OGA: variants seen among roughly 807,000 people sequenced by gnomAD.
OGA encodes the protein protein O-GlcNAcase.
OGA carries 21 observed loss-of-function variants against 102.0 expected under a neutral mutation model. That is an observed-to-expected ratio of 0.21 (90% CI 0.15 to 0.30). OGA has a LOEUF of 0.30. OGA is among the 10% of genes least tolerant of loss of function. OGA has a pLI of 1.00. For missense variants in OGA, 765 were observed against 1,107.8 expected, an observed-to-expected ratio of 0.69 and a Z score of 4.39; for synonymous variants, 408 against 378.2, an observed-to-expected ratio of 1.08 and a Z score of -0.91.
At chr10:101,805,848 G>A (rs536842114) in intron 6 of OGA, among the ~76,000 whole-genome samples, 197 bp downstream of exon 6, 3 of 151,960 alleles carry the variant, frequency 2.0e-5, no homozygotes, top group East Asian at 1.9e-4. Context: ...CCAGCTACTC[G>A]GGAGGCTGAG....
At chr10:101,810,126 G>C (rs1402496450) in intron 4 of OGA, 58 bp downstream of exon 4, 1 of 1,453,264 alleles carries the variant, frequency 6.9e-7, no homozygotes, top group Non-Finnish European at 9.4e-7. Context: ...AAGCAACTGA[G>C]TAAACTTCTA....
intron 11 of OGA, among the ~76,000 whole-genome samples, chr10:101,793,332 T>A (rs1363102754): frequency 1.3e-5 from 2 of 152,114 alleles, no homozygotes; most frequent in African/African-American, 4.8e-5. Context: ...CTGAAGAGGG[T>A]TATCTGTCCA....
At position 101,787,490 on chromosome 10, in the gene OGA, C is replaced by T. The variant is rs765615409; in HGVS notation, c.2488G>A (p.Val830Ile). Residue 830 changes from valine (V) to isoleucine (I), a missense_variant, in exon 15 of 16, where the codon GTA becomes ATA. Coordinates refer to ENST00000361464, the MANE Select transcript of OGA (RefSeq NM_012215.5). The stretch of plus-strand genomic sequence containing the variant: ...TTAGCAAGGAAAGTTTCTGGCAGTA[C>T]TTCCTGTTCTTCATGGAAACTCAAC... ...IMLSFHEEQE[V>I]LPETFLANFP... 6.2e-7 allele frequency: 1 copy of T among 1,612,238 alleles called. No individual in the cohort carries two copies. Among genetic ancestry groups the T allele is most frequent in the Non-Finnish European group, 8.5e-7 (1 of 1,178,598 alleles).
chr10:101,794,872 G>A (rs1387499824), intron 10 of OGA, among the ~76,000 whole-genome samples: 1 of 152,180 alleles, frequency 6.6e-6, no homozygotes, highest in African/African-American at 2.4e-5. Context: ...ACAAGATAAA[G>A]CAGCGCAATA....
At chr10:101,813,466 T>C (rs996195352) in intron 2 of OGA, 89 bp downstream of exon 2, 6 of 828,020 alleles carry the variant, frequency 7.2e-6, no homozygotes, top group East Asian at 5.4e-5. Flanking sequence ...AAAATGCACC[T>C]GGGCTATTCA....
intron 5 of OGA, 37 bp from the exon 6 acceptor site, chr10:101,806,180 AAATGCTCATGGGTTTT>A (rs1484454480): frequency 3.1e-6 from 4 of 1,282,786 alleles, no homozygotes; most frequent in Non-Finnish European, 3.4e-6. Flanking sequence ...GTCAGAATTA[AAATGCTCATGGGTTTT>A]CTCTTTGTTT....
At chr10:101,817,721 G>A (rs1417762363) in intron 1 of OGA, 103 bp downstream of exon 1, 4 of 1,320,894 alleles carry the variant, frequency 3.0e-6, no homozygotes, top group Non-Finnish European at 4.1e-6. Context: ...TTCAGACCCA[G>A]AGGCTTTCCG....
chr10:101,797,921 TAATTTTTTTTAAAGGGACAATATA>T, intron 10 of OGA, 35 bp downstream of exon 10: 1 of 1,521,074 alleles, frequency 6.6e-7, no homozygotes, highest in Non-Finnish European at 9.1e-7. Flanking sequence ...CCCTGTGGGA[TAATTTTTTTTAAAGGGACAATATA>T]TTTGAGGAGA....
Position 101,799,143 on chromosome 10 carries a change from T to G in OGA, c.1508A>C (p.Lys503Thr). Reference sequence around the variant, plus strand: ...GGATTTTGATTCAGCTATGCTCTCTTTATCAGTGTCCATTGGTTTCAATTC... The same window carrying G: ...GGATTTTGATTCAGCTATGCTCTCTGTATCAGTGTCCATTGGTTTCAATTC... Reference protein sequence around the residue: ...AEELKPMDTDKESIAESKSPE... With the variant: ...AEELKPMDTDTESIAESKSPE... The change falls in exon 9 of 16, where the codon AAA (lysine) becomes ACA (threonine). Residue 503 changes from lysine (K) to threonine (T), a missense_variant. Coordinates refer to ENST00000361464, the MANE Select transcript of OGA (RefSeq NM_012215.5). 2 of 1,614,266 alleles carry G rather than the reference T, an allele frequency of 1.2e-6. No homozygotes were observed. The highest frequency in any genetic ancestry group is 8.5e-7 in the Non-Finnish European group (1 of 1,180,038).
Position 101,798,913 on chromosome 10 carries a change from G to C in OGA, c.1738C>G (p.Arg580Gly). The change falls in exon 9 of 16, where the codon CGG (arginine) becomes GGG (glycine). Residue 580 changes from arginine to glycine, a missense_variant. Arg to Gly is a moderately radical substitution (Grantham distance 125). This residue lies in a region of OGA where 281 missense variants were observed against 345.8 expected (regional missense o/e 0.81). Transcript: ENST00000361464. Reference protein sequence around the residue: ...EHGPKGAQMLREFQWLRANSS... With the variant: ...EHGPKGAQMLGEFQWLRANSS... ...TTTGCTCGAAGCCATTGAAATTCCC[G>C]TAACATCTGTGCTCCTTTGGGTCCA... 6.2e-7 allele frequency: 1 copy of C among 1,614,030 alleles called. No individual in the cohort carries two copies. Among genetic ancestry groups the C allele is most frequent in the Non-Finnish European group, 8.5e-7 (1 of 1,180,006 alleles).
Position 101,798,990 on chromosome 10 carries a change from G to T in OGA, c.1661C>A (p.Thr554Asn). 6.2e-7 allele frequency: 1 copy of T among 1,614,174 alleles called. No individual in the cohort carries two copies. Among genetic ancestry groups the T allele is most frequent in the Non-Finnish European group, 8.5e-7 (1 of 1,180,044 alleles). Reference protein sequence around the residue: ...EKPLYTAEPVTLEDLQLLADL... With the variant: ...EKPLYTAEPVNLEDLQLLADL... ...AGCAAGTAACTGCAAATCCTCCAGGGTCACTGGTTCCGCAGTGTACAAAGG... is the reference window on the plus strand; with the variant it reads ...AGCAAGTAACTGCAAATCCTCCAGGTTCACTGGTTCCGCAGTGTACAAAGG... The change falls in exon 9 of 16, where the codon ACC (threonine) becomes AAC (asparagine). Residue 554 changes from threonine (T) to asparagine (N), a missense_variant. Physicochemically the swap from Thr to Asn is moderately conservative, Grantham distance 65 (BLOSUM62 0). Coordinates refer to ENST00000361464, the MANE Select transcript of OGA (RefSeq NM_012215.5).
At chr10:101,805,980 G>A in intron 6 of OGA, 65 bp downstream of exon 6, 3 of 1,129,456 alleles carry the variant, frequency 2.7e-6, no homozygotes, top group Admixed American at 1.8e-5. Context: ...CAATTAACAA[G>A]AACAAGCAAT....
intron 3 of OGA, 174 bp downstream of exon 3, chr10:101,812,856 G>C (rs1464787286): frequency 1.5e-6 from 1 of 680,412 alleles, no homozygotes. Flanking sequence ...TCATGACCTT[G>C]CTAGCGCAGA....
intron 13 of OGA, 82 bp downstream of exon 13, chr10:101,791,272 T>A (rs1041711055): frequency 7.8e-7 from 1 of 1,276,996 alleles, no homozygotes; most frequent in African/African-American, 1.5e-5. Context: ...TAAATAAATA[T>A]ATTTCCAGTC....
At chr10:101,802,029 C>A (rs960789044) in intron 7 of OGA, among the ~76,000 whole-genome samples, 1 of 152,126 alleles carries the variant, frequency 6.6e-6, no homozygotes, top group Admixed American at 6.5e-5. Context: ...CCAGTAATCC[C>A]AGCTACTCAG....
intron 4 of OGA, among the ~76,000 whole-genome samples, chr10:101,809,722 A>G (rs1328358931): frequency 6.8e-6 from 1 of 147,248 alleles, no homozygotes; most frequent in Non-Finnish European, 1.5e-5. Context: ...AAAAAAAAAG[A>G]AAAAAAAAGC....
At chr10:101,804,240 T>G (rs1157746746) in intron 6 of OGA, among the ~76,000 whole-genome samples, 1 of 151,316 alleles carries the variant, frequency 6.6e-6, no homozygotes, top group Non-Finnish European at 1.5e-5. Context: ...ATATACTGCA[T>G]ATATAACTTT....
chr10:101,791,043 G>T lies in OGA; in HGVS notation c.2307C>A (p.Val769=). Residue 769 remains valine, a synonymous_variant, in exon 14 of 16, where the codon GTC becomes GTA. Coordinates refer to ENST00000361464, the MANE Select transcript of OGA (RefSeq NM_012215.5). ...CACATATGCCATCTTCATCTTCTAGGACAAAGCAGTAATCCAGGCTGAGGG... is the reference window on the plus strand; with the variant it reads ...CACATATGCCATCTTCATCTTCTAGTACAAAGCAGTAATCCAGGCTGAGGG... ...LLSLSLDYCF[V]LEDEDGICGY... The T allele has an allele frequency of 1.2e-6, 2 of 1,613,450 alleles. No homozygotes were observed. Among genetic ancestry groups the T allele is most frequent in the Non-Finnish European group, 1.7e-6 (2 of 1,179,868 alleles).
At chr10:101,800,431 A>G in intron 7 of OGA, 31 bp from the exon 8 acceptor site, 1 of 1,567,842 alleles carries the variant, frequency 6.4e-7, no homozygotes, top group Non-Finnish European at 8.7e-7. Context: ...AAGCACAAAA[A>G]TAGTTTTGAT....
Sources: gnomAD v4.1 joint callset for allele counts (sites outside exome capture counted in the v4.1 genomes callset) on GRCh38, gnomAD v4.1.1 for gene constraint, gnomAD v4.1.1 regional missense constraint, MANE v1.5 for transcripts, NCBI Gene and HGNC (gene_info 2026-07-23, HGNC 2026-07-21) for gene names.